SLIT2: variants seen among roughly 807,000 people sequenced by gnomAD.
The protein encoded by SLIT2 is slit guidance ligand 2.
A neutral mutation model predicts 185.7 loss-of-function variants in SLIT2; 41 were observed. That is an observed-to-expected ratio of 0.22 (90% confidence interval 0.17 to 0.29). The LOEUF (loss-of-function observed/expected upper bound fraction) is 0.29. Ranked by LOEUF, SLIT2 falls within the 10% of genes least tolerant of loss-of-function variation. SLIT2 has a pLI of 1.00. For missense variants in SLIT2, 1,571 were observed against 1,909.0 expected (o/e 0.82, Z 3.30); for synonymous variants, 693 against 680.2 (o/e 1.02, Z -0.29).
At chr4:20,381,785 T>A (rs1363044562) in intron 4 of SLIT2, among the ~76,000 whole-genome samples, 1 of 152,094 alleles carries the variant, frequency 6.6e-6, no homozygotes, top group Admixed American at 6.6e-5. Context: ...CTACACAGAT[T>A]TTTTTAGAAA....
At chr4:20,582,275 C>T (rs1442830164) in intron 29 of SLIT2, among the ~76,000 whole-genome samples, 1 of 152,204 alleles carries the variant, frequency 6.6e-6, no homozygotes, top group East Asian at 1.9e-4. Context: ...TTCTCCACTT[C>T]ACCCTTGCCT....
At chr4:20,583,804 A>G (rs6851432) in intron 29 of SLIT2, among the ~76,000 whole-genome samples, 39,221 of 151,528 alleles carry the variant, frequency 0.26, 5,504 homozygotes, top group African/African-American at 0.36. Flanking sequence ...ATGAGACTCC[A>G]TCACAAAAAT....
At chr4:20,421,568 A>G (rs1157413344) in intron 4 of SLIT2, among the ~76,000 whole-genome samples, 1 of 152,176 alleles carries the variant, frequency 6.6e-6, no homozygotes, top group Non-Finnish European at 1.5e-5. Context: ...AGCCATTTAA[A>G]ATGCATTGTA....
At chr4:20,547,003 A>G (rs565746019) in intron 22 of SLIT2, among the ~76,000 whole-genome samples, 1 of 152,232 alleles carries the variant, frequency 6.6e-6, no homozygotes, top group South Asian at 2.1e-4. Context: ...GTTTATTTCT[A>G]AGTGAATTCT....
At chr4:20,456,914 A>G (rs904009115) in intron 4 of SLIT2, among the ~76,000 whole-genome samples, 1 of 151,984 alleles carries the variant, frequency 6.6e-6, no homozygotes, top group African/African-American at 2.4e-5. Context: ...CTTTGACATC[A>G]CCTTTATCTT....
intron 4 of SLIT2, among the ~76,000 whole-genome samples, chr4:20,301,766 T>G (rs1717067559): frequency 6.6e-6 from 1 of 152,190 alleles, no homozygotes; most frequent in African/African-American, 2.4e-5. Context: ...AATAATCCTC[T>G]CTCTCCTGAG....
intron 24 of SLIT2, among the ~76,000 whole-genome samples, chr4:20,550,372 G>GTT (rs35574570): frequency 1.3e-5 from 2 of 151,012 alleles, no homozygotes; most frequent in Admixed American, 6.6e-5. Context: ...GCTTGCAGGG[G>GTT]TTTTTTTTAA....
At chr4:20,590,058 A>G (rs1727385877) in intron 30 of SLIT2, among the ~76,000 whole-genome samples, 1 of 151,602 alleles carries the variant, frequency 6.6e-6, no homozygotes, top group African/African-American at 2.4e-5. Flanking sequence ...GGCGCCCGCC[A>G]CCACGCCTGG....
intron 12 of SLIT2, among the ~76,000 whole-genome samples, chr4:20,520,706 C>G (rs1324513657): frequency 1.3e-5 from 2 of 152,106 alleles, no homozygotes; most frequent in Non-Finnish European, 2.9e-5. Flanking sequence ...CACACACACA[C>G]CCAAACAAAT....
intron 4 of SLIT2, among the ~76,000 whole-genome samples, chr4:20,450,970 A>G (rs1242618122): frequency 6.6e-6 from 1 of 152,214 alleles, no homozygotes; most frequent in Non-Finnish European, 1.5e-5. Context: ...TCTATCTTAC[A>G]ACAAATGACA....
chr4:20,374,086 G>A (rs918899097), intron 4 of SLIT2, among the ~76,000 whole-genome samples: 2 of 152,066 alleles, frequency 1.3e-5, no homozygotes, highest in South Asian at 2.1e-4. Context: ...TGAGTCATTA[G>A]CATCACTTCC....
At chr4:20,432,351 G>C (rs1729058407) in intron 4 of SLIT2, among the ~76,000 whole-genome samples, 1 of 152,132 alleles carries the variant, frequency 6.6e-6, no homozygotes, top group African/African-American at 2.4e-5. Flanking sequence ...AAGATAATTA[G>C]TTTACTGCTT....
rs144603834 is a variant in SLIT2, at chr4:20,395,415, G to A, written c.396-72337G>A. On this transcript the variant is annotated intron_variant, in intron 4 of 36. Transcript: ENST00000504154. ...CAAATGCATAGGCAGGAACCTGATTGAGGGCATGGAACAAAGGATATGGAT... is the reference window on the plus strand; with the variant it reads ...CAAATGCATAGGCAGGAACCTGATTAAGGGCATGGAACAAAGGATATGGAT... Among the ~76,000 whole-genome samples the A allele has an allele frequency of 4.8e-3, 723 of 152,136 alleles. 11 individuals are homozygous for A. The highest frequency in any genetic ancestry group is 0.017 in the African/African-American group (701 of 41,548).
chr4:20,433,273 A>G (rs984037718), intron 4 of SLIT2, among the ~76,000 whole-genome samples: 1 of 152,260 alleles, frequency 6.6e-6, no homozygotes, highest in Non-Finnish European at 1.5e-5. Flanking sequence ...ACCGAGTGAC[A>G]CAACAGAGGT....
chr4:20,531,697 G>A, intron 16 of SLIT2, among the ~76,000 whole-genome samples: 1 of 151,366 alleles, frequency 6.6e-6, no homozygotes, highest in Non-Finnish European at 1.5e-5. Flanking sequence ...GGGGACGATA[G>A]TGGAAAAAAT....
chr4:20,322,554 G>A (rs1336566257), intron 4 of SLIT2, among the ~76,000 whole-genome samples: 1 of 151,614 alleles, frequency 6.6e-6, no homozygotes, highest in Admixed American at 6.6e-5. Context: ...TTTTTCTTTT[G>A]CTTCTTTAGT....
At chr4:20,516,851 T>G (rs1443326581) in intron 11 of SLIT2, among the ~76,000 whole-genome samples, 1 of 152,214 alleles carries the variant, frequency 6.6e-6, no homozygotes, top group Non-Finnish European at 1.5e-5. Flanking sequence ...CCTATACACA[T>G]AGATTTCCTG....
At chr4:20,356,677 T>A (rs1722348220) in intron 4 of SLIT2, among the ~76,000 whole-genome samples, 1 of 152,208 alleles carries the variant, frequency 6.6e-6, no homozygotes, top group African/African-American at 2.4e-5. Context: ...AGAAAAAGGA[T>A]AAACACACAC....
At chr4:20,417,362 C>G (rs1727762246) in intron 4 of SLIT2, among the ~76,000 whole-genome samples, 1 of 150,666 alleles carries the variant, frequency 6.6e-6, no homozygotes. Flanking sequence ...CTATCTTCTT[C>G]TGACATGCCC....
Sources: gnomAD v4.1 joint callset for allele counts (sites outside exome capture counted in the v4.1 genomes callset) on GRCh38, gnomAD v4.1.1 for gene constraint, MANE v1.5 for transcripts, NCBI Gene and HGNC (gene_info 2026-07-23, HGNC 2026-07-21) for gene names.